Variants in C16orf74 observed in about 807,000 individuals in gnomAD.
C16orf74 encodes the protein uncharacterized protein C16orf74.
Under a neutral mutation model 6.5 loss-of-function variants are expected in C16orf74, and 10 were observed. That is an observed-to-expected ratio of 1.54 (90% confidence interval 0.95 to 2.61). The LOEUF is 2.61. Among genes scored for constraint, C16orf74 ranks in the 30% most tolerant of loss-of-function variants. C16orf74 has a pLI of 0.00. For missense variants in C16orf74, 141 were observed against 105.9 expected, an observed-to-expected ratio of 1.33 and a Z score of -1.45; for synonymous variants, 60 against 42.5, an observed-to-expected ratio of 1.41 and a Z score of -1.60.
intron 2 of C16orf74, 41 bp downstream of exon 2, chr16:85,735,149 T>A: frequency 1.3e-6 from 2 of 1,582,454 alleles, no homozygotes; most frequent in Admixed American, 3.6e-5. Context: ...CAGCACCCCC[T>A]CTGCCATGAG....
intron 1 of C16orf74, among the ~76,000 whole-genome samples, chr16:85,746,405 T>C (rs1567814867): frequency 6.6e-6 from 1 of 152,152 alleles, no homozygotes; most frequent in Non-Finnish European, 1.5e-5. Context: ...GTTATCCTTG[T>C]GTTTATCTGC....
intron 2 of C16orf74, among the ~76,000 whole-genome samples, chr16:85,729,601 C>G (rs552830591): frequency 6.6e-6 from 1 of 152,152 alleles, no homozygotes; most frequent in African/African-American, 2.4e-5. Context: ...CAGAATATGA[C>G]CTTATTTGGA....
chr16:85,723,425 A>T (rs1435221777), intron 2 of C16orf74, among the ~76,000 whole-genome samples: 1 of 152,024 alleles, frequency 6.6e-6, no homozygotes, highest in African/African-American at 2.4e-5. Flanking sequence ...AAAAAGTTAA[A>T]TGCTTCCTGT....
rs74376566 is a variant in C16orf74, at chr16:85,744,568, T to G, written c.-19+6358A>C. Among the ~76,000 whole-genome samples the G allele has an allele frequency of 3.9e-5, 6 of 152,092 alleles. No individual in the cohort carries two copies. In the South Asian group the frequency reaches 6.2e-4, roughly 16 times the overall value. The stretch of plus-strand genomic sequence containing the variant: ...GTCAGCAGCCAGATGCGGTGGCTCA[T>G]GCCTGAAATCCCAGCACTTTGGGAG... On this transcript the variant is annotated intron_variant, in intron 1 of 3. Coordinates refer to ENST00000284245, the MANE Select transcript of C16orf74 (RefSeq NM_206967.3).
chr16:85,745,168 A>G (rs2054359708), intron 1 of C16orf74, among the ~76,000 whole-genome samples: 1 of 137,694 alleles, frequency 7.3e-6, no homozygotes, highest in East Asian at 2.1e-4. Context: ...AAAAAAAAAA[A>G]TCTCCCTGTC....
At chr16:85,731,773 G>T (rs1289372253) in intron 2 of C16orf74, among the ~76,000 whole-genome samples, 1 of 151,922 alleles carries the variant, frequency 6.6e-6, no homozygotes, top group African/African-American at 2.4e-5. Context: ...CTGCAGCCTT[G>T]ACTTCCTGGG....
chr16:85,734,507 G>A (rs1480407869), intron 2 of C16orf74, among the ~76,000 whole-genome samples: 1 of 152,184 alleles, frequency 6.6e-6, no homozygotes, highest in Non-Finnish European at 1.5e-5. Context: ...ACTGGCCATG[G>A]GACACCTGGA....
intron 2 of C16orf74, among the ~76,000 whole-genome samples, chr16:85,726,656 T>C (rs1162548545): frequency 6.6e-6 from 1 of 152,166 alleles, no homozygotes; most frequent in Non-Finnish European, 1.5e-5. Flanking sequence ...TGATCTCCCT[T>C]CAAATGTATG....
chr16:85,742,530 C>G (rs2054320718), intron 1 of C16orf74, among the ~76,000 whole-genome samples: 1 of 152,126 alleles, frequency 6.6e-6, no homozygotes, highest in Non-Finnish European at 1.5e-5. Flanking sequence ...GCATGCAGAA[C>G]TGTGAGCCAA....
intron 3 of C16orf74, among the ~76,000 whole-genome samples, chr16:85,709,783 G>A (rs1490427079): frequency 1.3e-5 from 2 of 152,196 alleles, no homozygotes; most frequent in Non-Finnish European, 2.9e-5. Flanking sequence ...GTGTTTCCAA[G>A]TCTGTCCTGT....
chr16:85,736,603 G>A (rs899492320), intron 1 of C16orf74, among the ~76,000 whole-genome samples: 3 of 152,042 alleles, frequency 2.0e-5, no homozygotes, highest in East Asian at 1.9e-4. Flanking sequence ...ATGGGAACAG[G>A]CTTGGGCCAG....
chr16:85,733,429 G>C (rs1022628156), intron 2 of C16orf74, among the ~76,000 whole-genome samples: 3 of 152,324 alleles, frequency 2.0e-5, no homozygotes, highest in Admixed American at 1.3e-4. Context: ...CGGGGACAGA[G>C]TTTCAGTTGG....
intron 1 of C16orf74, among the ~76,000 whole-genome samples, chr16:85,749,745 A>G (rs1390227295): frequency 6.6e-6 from 1 of 152,236 alleles, no homozygotes; most frequent in Admixed American, 6.5e-5. Context: ...TCCCATTTCA[A>G]GTCTCCAGAG....
intron 1 of C16orf74, among the ~76,000 whole-genome samples, chr16:85,744,661 T>G (rs2054350605): frequency 6.6e-6 from 1 of 151,756 alleles, no homozygotes; most frequent in Non-Finnish European, 1.5e-5. Flanking sequence ...AAACCCTGTC[T>G]CTACTAAAAA....
chr16:85,731,837 A>T (rs1301962253), intron 2 of C16orf74, among the ~76,000 whole-genome samples: 1 of 151,950 alleles, frequency 6.6e-6, no homozygotes, highest in Non-Finnish European at 1.5e-5. Context: ...GCAGGCATGA[A>T]ATGCCACCAT....
chr16:85,710,240 G>T lies in C16orf74; in HGVS notation c.96C>A (p.His32Gln). The T allele has an allele frequency of 6.7e-7, 1 of 1,500,260 alleles. No individual in the cohort carries two copies. Among genetic ancestry groups the T allele is most frequent in the Non-Finnish European group, 8.8e-7 (1 of 1,136,330 alleles). 92.9% of individuals were successfully genotyped at this position (1,500,260 alleles called of 1,614,324 possible). Residue 32 changes from histidine to glutamine, a missense_variant, in exon 3 of 4, where the codon CAC (histidine) becomes CAA (glutamine). Transcript: ENST00000284245. Reference protein sequence around the residue: ...HDEAPVLNDKHLDVPDIIITP... With the variant: ...HDEAPVLNDKQLDVPDIIITP... ...TGATGATGATGTCGGGCACGTCCAGGTGCTTGTCGTTCAGGACGGGGGCCT... is the reference window on the plus strand; with the variant it reads ...TGATGATGATGTCGGGCACGTCCAGTTGCTTGTCGTTCAGGACGGGGGCCT...
At position 85,707,994 on chromosome 16, in the gene C16orf74, C is replaced by T. The variant is rs1360098695; in HGVS notation, c.*14G>A. 1 of 1,551,638 alleles carries T rather than the reference C, an allele frequency of 6.4e-7. No individual in the cohort carries two copies. Among genetic ancestry groups the T allele is most frequent in the Non-Finnish European group, 8.7e-7 (1 of 1,147,064 alleles). ...CTGGAGCAGGAGCCAGCCAGCCAAA[C>T]CCAGGACACCTCCTCAGGCTTCTGG... On this transcript the variant is annotated 3_prime_UTR_variant, in exon 4 of 4. Transcript: ENST00000284245.
intron 2 of C16orf74, among the ~76,000 whole-genome samples, chr16:85,711,378 G>T (rs1310010859): frequency 6.6e-6 from 1 of 150,994 alleles, no homozygotes; most frequent in East Asian, 1.9e-4. Flanking sequence ...ACTTTGGAAG[G>T]CTGAAGTGGG....
chr16:85,715,101 G>C (rs1276417099), intron 2 of C16orf74, among the ~76,000 whole-genome samples: 3 of 150,612 alleles, frequency 2.0e-5, no homozygotes, highest in Non-Finnish European at 2.9e-5. Context: ...AGCTTGCAGT[G>C]AGCCGAGATC....
Sources: allele counts gnomAD v4.1 joint callset (sites outside exome capture counted in the v4.1 genomes callset), GRCh38; gene constraint gnomAD v4.1.1; transcripts MANE v1.5; gene names NCBI Gene and HGNC (gene_info 2026-07-23, HGNC 2026-07-21).